The following GRIN2B variants were observed in gnomAD, a reference collection of about 807,000 sequenced individuals.
The protein encoded by GRIN2B is glutamate ionotropic receptor NMDA type subunit 2B, also known as glutamate receptor ionotropic, NMDA 2B.
In GRIN2B, 5 loss-of-function variants were observed where a neutral mutation model predicts 114.5. That is an observed-to-expected ratio of 0.04 (90% CI 0.02 to 0.09). The LOEUF (loss-of-function observed/expected upper bound fraction) is 0.09, where lower values mean the gene tolerates loss of function less well. GRIN2B is among the 10% of genes least tolerant of loss of function. The pLI, the probability that GRIN2B is intolerant of heterozygous loss-of-function variation, is 1.00. For missense variants in GRIN2B, 1,108 were observed against 1,943.5 expected (o/e 0.57, Z 8.08); for synonymous variants, 787 against 745.1 (o/e 1.06, Z -0.92).
intron 10 of GRIN2B, among the ~76,000 whole-genome samples, chr12:13,587,278 G>GA (rs1353572307): frequency 2.6e-4 from 39 of 151,106 alleles, no homozygotes; most frequent in African/African-American, 9.5e-4. Flanking sequence ...CCACTCGTAA[G>GA]CATCTTCCTC....
chr12:13,841,769 TG>T (rs1865381957), intron 3 of GRIN2B, among the ~76,000 whole-genome samples: 1 of 152,132 alleles, frequency 6.6e-6, no homozygotes, highest in African/African-American at 2.4e-5. Flanking sequence ...AACAATGTAT[TG>T]GGTTGTTGAC....
chr12:13,798,960 C>T (rs895764065), intron 3 of GRIN2B, among the ~76,000 whole-genome samples: 3 of 152,212 alleles, frequency 2.0e-5, no homozygotes, highest in African/African-American at 7.2e-5. Context: ...TAGTATTCAA[C>T]ATATATTCAT....
intron 5 of GRIN2B, among the ~76,000 whole-genome samples, chr12:13,669,037 A>G (rs940298292): frequency 2.0e-5 from 3 of 150,240 alleles, no homozygotes; most frequent in African/African-American, 7.3e-5. Flanking sequence ...GTGGGGAGAT[A>G]GGGAGGATAA....
chr12:13,652,247 C>T (rs983341058), intron 5 of GRIN2B, among the ~76,000 whole-genome samples: 12 of 151,774 alleles, frequency 7.9e-5, no homozygotes, highest in African/African-American at 2.7e-4. Context: ...TTTTCCTGAC[C>T]TCTCTGCAGC....
intron 3 of GRIN2B, among the ~76,000 whole-genome samples, chr12:13,822,349 T>C (rs1407289214): frequency 1.3e-5 from 2 of 152,158 alleles, no homozygotes; most frequent in Admixed American, 1.3e-4. Flanking sequence ...GTAAAAGATC[T>C]AAACATAATC....
At position 13,600,772 on chromosome 12, in the gene GRIN2B, G is replaced by C. The variant is rs145291113; in HGVS notation, c.2010+7831C>G. On this transcript the variant is annotated intron_variant, in intron 10 of 13. Coordinates refer to ENST00000609686, the MANE Select transcript of GRIN2B (RefSeq NM_000834.5). ...TCGATAAGGACATCACTACTAAAAGGCCTCGTAGAAGGTAGTGGGGAAGTG... is the reference window on the plus strand; with the variant it reads ...TCGATAAGGACATCACTACTAAAAGCCCTCGTAGAAGGTAGTGGGGAAGTG... Among the ~76,000 whole-genome samples the C allele has an allele frequency of 2.2e-3, 330 of 152,260 alleles. 2 individuals are homozygous for C. The highest frequency in any genetic ancestry group is 7.2e-3 in the African/African-American group (301 of 41,538).
chr12:13,853,863 A>C (rs1865614330), intron 3 of GRIN2B, among the ~76,000 whole-genome samples: 1 of 152,262 alleles, frequency 6.6e-6, no homozygotes, highest in Admixed American at 6.5e-5. Context: ...TCATCCATAC[A>C]TTTAATAAAT....
At chr12:13,842,124 T>C (rs1865389882) in intron 3 of GRIN2B, among the ~76,000 whole-genome samples, 1 of 152,158 alleles carries the variant, frequency 6.6e-6, no homozygotes, top group Admixed American at 6.6e-5. Flanking sequence ...ACTGCCAGTA[T>C]GGGTCATGGG....
intron 10 of GRIN2B, among the ~76,000 whole-genome samples, chr12:13,600,938 A>G (rs1949148930): frequency 6.6e-6 from 1 of 152,208 alleles, no homozygotes; most frequent in African/African-American, 2.4e-5. Flanking sequence ...CTGCCTATAA[A>G]GCATGTCTCT....
At chr12:13,916,597 C>T (rs946866796) in intron 2 of GRIN2B, among the ~76,000 whole-genome samples, 28 of 151,930 alleles carry the variant, frequency 1.8e-4, no homozygotes, top group Non-Finnish European at 4.1e-4. Context: ...GCCTATAATT[C>T]CAGCTCTTTG....
intron 10 of GRIN2B, among the ~76,000 whole-genome samples, chr12:13,596,167 C>G (rs893735805): frequency 6.6e-6 from 1 of 152,174 alleles, no homozygotes; most frequent in Non-Finnish European, 1.5e-5. Context: ...TTAGAAATCA[C>G]AGTATTCTTT....
chr12:13,617,483 G>A (rs1480495305), intron 5 of GRIN2B, among the ~76,000 whole-genome samples: 1 of 152,188 alleles, frequency 6.6e-6, no homozygotes, highest in Non-Finnish European at 1.5e-5. Flanking sequence ...CAACCATCCT[G>A]AGAAATGTAT....
At chr12:13,838,225 C>A (rs1314132865) in intron 3 of GRIN2B, among the ~76,000 whole-genome samples, 1 of 152,150 alleles carries the variant, frequency 6.6e-6, no homozygotes, top group Non-Finnish European at 1.5e-5. Context: ...ACTTAAAATT[C>A]TCCTCAAGAC....
At chr12:13,962,831 G>A (rs1014378268) in intron 2 of GRIN2B, among the ~76,000 whole-genome samples, 1 of 152,176 alleles carries the variant, frequency 6.6e-6, no homozygotes, top group African/African-American at 2.4e-5. Context: ...CCAGAAGAGT[G>A]CCAAAATTGC....
At chr12:13,857,364 C>T (rs1043935843) in intron 3 of GRIN2B, among the ~76,000 whole-genome samples, 11 of 146,560 alleles carry the variant, frequency 7.5e-5, no homozygotes, top group African/African-American at 2.6e-4. Flanking sequence ...CTGTGGCGCA[C>T]GCGTGCATAC....
intron 5 of GRIN2B, among the ~76,000 whole-genome samples, chr12:13,636,964 G>A (rs1341405902): frequency 1.3e-5 from 2 of 152,080 alleles, no homozygotes; most frequent in Non-Finnish European, 1.5e-5. Flanking sequence ...CCTAAAATGA[G>A]GAACATGGAG....
At chr12:13,942,840 G>C (rs1326252738) in intron 2 of GRIN2B, among the ~76,000 whole-genome samples, 2 of 152,108 alleles carry the variant, frequency 1.3e-5, no homozygotes, top group East Asian at 1.9e-4. Flanking sequence ...CACTATATGG[G>C]AGAGACACAG....
chr12:13,575,673 C>CAACAATAATAATAATAAT (rs113820666), intron 10 of GRIN2B, among the ~76,000 whole-genome samples: 13 of 147,640 alleles, frequency 8.8e-5, no homozygotes, highest in African/African-American at 2.8e-4. Context: ...ATGATAACAA[C>CAACAATAATAATAATAAT]AATAATAATA....
At position 13,547,981 on chromosome 12, in the gene GRIN2B, A is replaced by ATTTTTTTTTTTTTTTTTTT. The variant is rs57206826; in HGVS notation, c.*14801_*14802insAAAAAAAAAAAAAAAAAAA. 4 of 68,590 alleles carry ATTTTTTTTTTTTTTTTTTT rather than the reference A, an allele frequency of 5.8e-5. No homozygotes were observed. The highest frequency in any genetic ancestry group is 1.9e-4 in the Admixed American group (1 of 5,188). The allele number at this position is 68,590 out of a possible 1,614,324, so 4.2% of individuals were successfully genotyped here. ...TGTGTATATATATATATATATATAT[A>ATTTTTTTTTTTTTTTTTTT]TTTTTTTTTTTTTTCTGAAAGCTAC... is the stretch of plus-strand genomic sequence containing the variant. On this transcript the variant is annotated 3_prime_UTR_variant, in exon 14 of 14. Transcript: ENST00000609686.
Sources: allele counts gnomAD v4.1 joint callset (sites outside exome capture counted in the v4.1 genomes callset), GRCh38; gene constraint gnomAD v4.1.1; transcripts MANE v1.5; gene names NCBI Gene and HGNC (gene_info 2026-07-23, HGNC 2026-07-21).